The following VAV3 variants were observed in gnomAD, a reference collection of about 807,000 sequenced individuals.
VAV3 encodes the protein guanine nucleotide exchange factor VAV3.
Under a neutral mutation model 131.2 loss-of-function variants are expected in VAV3, and 94 were observed. The ratio of observed to expected loss-of-function variants is 0.72; its 90% CI spans 0.61 to 0.85. The LOEUF (loss-of-function observed/expected upper bound fraction) is 0.85. VAV3 is among the 40% of genes least tolerant of loss of function. The probability of loss-of-function intolerance (pLI) is 0.00; values close to 1 mark genes in which losing one functional copy is unlikely to be tolerated. For synonymous variants in VAV3, 349 were observed against 342.0 expected, an observed-to-expected ratio of 1.02 and a Z score of -0.22; for missense variants, 939 against 1,002.7, an observed-to-expected ratio of 0.94 and a Z score of 0.86.
At chr1:107,881,655 G>A (rs1317699552) in intron 1 of VAV3, among the ~76,000 whole-genome samples, 1 of 152,068 alleles carries the variant, frequency 6.6e-6, no homozygotes, top group African/African-American at 2.4e-5. Flanking sequence ...GAAGGAAAAT[G>A]GTAGAAAAGC....
In VAV3 at chr1:107,964,993, G is replaced by T; in HGVS notation, c.-124C>A. 1.2e-6 allele frequency: 1 copy of T among 844,442 alleles called. No individual in the cohort carries two copies. Among genetic ancestry groups the T allele is most frequent in the South Asian group, 5.7e-5 (1 of 17,504 alleles). The allele number at this position is 844,442 out of a possible 1,614,324, so 52.3% of individuals were successfully genotyped here. On this transcript the variant is annotated 5_prime_UTR_variant, in exon 1 of 27. Transcript: ENST00000370056. Reference sequence around the variant, plus strand: ...AGCCGCCGGCCCTTTCCCCGCGCGGGATCGAGGGAGCAGGAGCCGCGGCTG... The same window carrying T: ...AGCCGCCGGCCCTTTCCCCGCGCGGTATCGAGGGAGCAGGAGCCGCGGCTG...
At chr1:107,607,880 T>C (rs1469307926) in intron 22 of VAV3, among the ~76,000 whole-genome samples, 1 of 152,226 alleles carries the variant, frequency 6.6e-6, no homozygotes, top group Non-Finnish European at 1.5e-5. Flanking sequence ...AACTTCTCAG[T>C]GACTTGAGAA....
At chr1:107,808,681 C>A (rs915982475) in intron 2 of VAV3, among the ~76,000 whole-genome samples, 1 of 151,988 alleles carries the variant, frequency 6.6e-6, no homozygotes, top group African/African-American at 2.4e-5. Flanking sequence ...GAAGTGTTGC[C>A]CCAATGATTC....
intron 1 of VAV3, among the ~76,000 whole-genome samples, chr1:107,920,365 T>C (rs1005930777): frequency 6.6e-6 from 1 of 152,202 alleles, no homozygotes; most frequent in African/African-American, 2.4e-5. Context: ...TAATGAAACT[T>C]CGGGGCAAAT....
chr1:107,841,064 T>G (rs182659777), intron 2 of VAV3, among the ~76,000 whole-genome samples: 3 of 151,850 alleles, frequency 2.0e-5, no homozygotes, highest in Non-Finnish European at 4.4e-5. Context: ...TAGGGCAGAG[T>G]TGGCCAGTAC....
intron 1 of VAV3, among the ~76,000 whole-genome samples, chr1:107,947,753 A>G (rs1571178600): frequency 6.6e-6 from 1 of 152,162 alleles, no homozygotes; most frequent in East Asian, 1.9e-4. Context: ...TAATTTTTTC[A>G]TCCTAGGATT....
At chr1:107,584,043 T>C (rs910820144) in intron 25 of VAV3, among the ~76,000 whole-genome samples, 4 of 152,168 alleles carry the variant, frequency 2.6e-5, no homozygotes, top group African/African-American at 9.7e-5. Context: ...AGCATGGTAC[T>C]GGTACCAAAA....
At position 107,885,152 on chromosome 1, in the gene VAV3, C is replaced by T. The variant is rs944447790; in HGVS notation, c.205-10135G>A. On this transcript the variant is annotated intron_variant, in intron 1 of 26. Coordinates refer to ENST00000370056, the MANE Select transcript of VAV3 (RefSeq NM_006113.5). ...TCCCTGTGAAGCAGGGAACAAGAAT[C>T]GCCATGCTTGCCTTGCCCCAGAAGG... Among the ~76,000 whole-genome samples the T allele has an allele frequency of 3.9e-5, 6 of 152,130 alleles. No individual in the cohort carries two copies. In the East Asian group the frequency reaches 5.8e-4, roughly 15 times the overall value.
At chr1:107,831,951 C>A (rs1668267423) in intron 2 of VAV3, among the ~76,000 whole-genome samples, 1 of 152,316 alleles carries the variant, frequency 6.6e-6, no homozygotes, top group Middle Eastern at 3.4e-3. Context: ...GATACAGAAC[C>A]TAAACCACAG....
At chr1:107,773,492 C>T (rs533494847) in intron 4 of VAV3, among the ~76,000 whole-genome samples, 2 of 152,164 alleles carry the variant, frequency 1.3e-5, no homozygotes, top group East Asian at 1.9e-4. Flanking sequence ...TCAGAGGAAA[C>T]CCACCAGTCC....
chr1:107,929,667 G>A (rs1673327632), intron 1 of VAV3, among the ~76,000 whole-genome samples: 1 of 152,144 alleles, frequency 6.6e-6, no homozygotes, highest in Non-Finnish European at 1.5e-5. Flanking sequence ...ATAATAAAGA[G>A]TTAAAAAGTG....
At chr1:107,766,799 G>C (rs1249046330) in intron 7 of VAV3, among the ~76,000 whole-genome samples, 1 of 151,682 alleles carries the variant, frequency 6.6e-6, no homozygotes, top group African/African-American at 2.4e-5. Context: ...AAGGAAAGGA[G>C]AAAAAAGAAG....
At chr1:107,582,432 T>C (rs1352712530) in intron 25 of VAV3, among the ~76,000 whole-genome samples, 1 of 152,148 alleles carries the variant, frequency 6.6e-6, no homozygotes. Context: ...ATTATTATAC[T>C]TTAAGTTTTA....
At chr1:107,701,864 C>T (rs954554484) in intron 17 of VAV3, among the ~76,000 whole-genome samples, 1 of 152,150 alleles carries the variant, frequency 6.6e-6, no homozygotes. Context: ...TTGTCCACAC[C>T]ATTATCAGCA....
intron 1 of VAV3, among the ~76,000 whole-genome samples, chr1:107,937,148 C>T (rs978405912): frequency 3.3e-5 from 5 of 152,136 alleles, no homozygotes; most frequent in Admixed American, 1.3e-4. Context: ...ACAAATAATG[C>T]ACATGTGACA....
intron 19 of VAV3, among the ~76,000 whole-genome samples, chr1:107,662,150 T>C (rs966687167): frequency 3.9e-5 from 6 of 152,226 alleles, no homozygotes; most frequent in Admixed American, 6.5e-5. Flanking sequence ...TGAATTGCTA[T>C]GATTTTTTCA....
rs940511945 is a variant in VAV3, at chr1:107,765,501, C to A, written c.822-326G>T. 4.1e-4 allele frequency among the ~76,000 whole-genome samples: 63 copies of A among 152,186 alleles called. 1 individual carries two copies. The highest frequency in any genetic ancestry group is 1.5e-3 in the African/African-American group (62 of 41,460). ...ATTCCAAAAACAAAATTAAAAATTT[C>A]TGTTAAAGCTCTTACAAGAGATAAA... On this transcript the variant is annotated intron_variant, in intron 8 of 26. Coordinates refer to ENST00000370056, the MANE Select transcript of VAV3 (RefSeq NM_006113.5).
intron 1 of VAV3, among the ~76,000 whole-genome samples, chr1:107,960,392 G>C (rs1029649943): frequency 3.3e-5 from 5 of 152,008 alleles, no homozygotes; most frequent in Admixed American, 3.3e-4. Flanking sequence ...CTTGAGCCTG[G>C]GAGGCGGAGG....
chr1:107,746,878 A>G (rs1198107050), intron 15 of VAV3, among the ~76,000 whole-genome samples: 1 of 120,704 alleles, frequency 8.3e-6, no homozygotes, highest in Admixed American at 1.0e-4. Context: ...ATCTTGTCAA[A>G]TCTCTTTTTT....
Sources: gnomAD v4.1 joint callset for allele counts (sites outside exome capture counted in the v4.1 genomes callset) on GRCh38, gnomAD v4.1.1 for gene constraint, MANE v1.5 for transcripts, NCBI Gene and HGNC (gene_info 2026-07-23, HGNC 2026-07-21) for gene names.